The following PGLYRP2 variants were observed in gnomAD, a reference collection of about 807,000 sequenced individuals.
PGLYRP2 encodes N-acetylmuramoyl-L-alanine amidase.
In PGLYRP2, 38 loss-of-function variants were observed where a neutral mutation model predicts 46.2. The ratio of observed to expected loss-of-function variants is 0.82; its 90% CI spans 0.64 to 1.08. The LOEUF (loss-of-function observed/expected upper bound fraction) is 1.08, where lower values mean the gene tolerates loss of function less well. Ranked by LOEUF, PGLYRP2 falls within the 50% of genes least tolerant of loss-of-function variation. The pLI, the probability that PGLYRP2 is intolerant of heterozygous loss-of-function variation, is 0.00. For missense variants in PGLYRP2, 713 were observed against 755.9 expected (o/e 0.94, Z 0.67); for synonymous variants, 289 against 329.4 (o/e 0.88, Z 1.33).
intron 2 of PGLYRP2, among the ~76,000 whole-genome samples, chr19:15,475,323 T>C (rs1361247464): frequency 6.6e-6 from 1 of 152,102 alleles, no homozygotes; most frequent in Admixed American, 6.6e-5. Flanking sequence ...TGCAAATAAA[T>C]ATAATGAAGC....
At chr19:15,475,099 A>T (rs1200216282) in intron 2 of PGLYRP2, among the ~76,000 whole-genome samples, 1 of 152,176 alleles carries the variant, frequency 6.6e-6, no homozygotes, top group Non-Finnish European at 1.5e-5. Context: ...TCACTTATAA[A>T]TGGGAGCTAA....
Position 15,475,894 on chromosome 19 carries a change from G to A in PGLYRP2, c.776C>T (p.Thr259Met), listed in dbSNP as rs373142402. 2.1e-4 allele frequency: 345 copies of A among 1,614,110 alleles called. No individual in the cohort carries two copies. Among genetic ancestry groups the A allele is most frequent in the Non-Finnish European group, 2.6e-4 (308 of 1,180,022 alleles). The change falls in exon 2 of 5, where the codon ACG (threonine) becomes ATG (methionine). Residue 259 changes from threonine (T) to methionine (M), a missense_variant. Transcript: ENST00000340880. Reference sequence around the variant, plus strand: ...CAGAGATGCCTTGGGGTCCAAAAGCGTAAAGGTCCGAGGGGCAGAGAGCTG... The same window carrying A: ...CAGAGATGCCTTGGGGTCCAAAAGCATAAAGGTCCGAGGGGCAGAGAGCTG... ...WDQLSAPRTF[T>M]LLDPKASLLT...
intron 1 of PGLYRP2, among the ~76,000 whole-genome samples, chr19:15,477,392 C>CAAAA (rs34640786): frequency 8.7e-5 from 7 of 80,472 alleles, no homozygotes; most frequent in African/African-American, 2.1e-4. Context: ...GACTTTGTCT[C>CAAAA]AAAAAAAAAA....
rs752686631 is a variant in PGLYRP2, at chr19:15,476,578, A to G, written c.92T>C (p.Ile31Thr). 3 of 1,610,282 alleles carry G rather than the reference A, an allele frequency of 1.9e-6. No homozygotes were observed. Among genetic ancestry groups the G allele is most frequent in the Non-Finnish European group, 1.7e-6 (2 of 1,178,216 alleles). Residue 31 changes from isoleucine (I) to threonine (T), a missense_variant, in exon 2 of 5, where the codon ATC (isoleucine) becomes ACC (threonine). Transcript: ENST00000340880. Reference protein sequence around the residue: ...ASLPLLMDSVIQALAELEQKV... With the variant: ...ASLPLLMDSVTQALAELEQKV... ...CTGCTCCAGCTCAGCCAGGGCCTGG[A>G]TGACAGAGTCCATGAGCAGGGGCAG...
rs1228145868 is a variant in PGLYRP2 at position 15,469,700 on chromosome 19, G to A, written c.1573C>T (p.Leu525=). The change falls in exon 4 of 5, where the codon CTG becomes TTG. Residue 525 remains leucine, a synonymous_variant. Transcript: ENST00000340880. This position sits in a 1 kb window ranked among gnomAD's most constrained non-coding sequence, Gnocchi z 4.9. ...TCGCCGGGGCAGTCGGTGCGCACCA[G>A]CTGGCGGTGGCCCAGCAGCGCGTAG... ...PDYALLGHRQ[L]VRTDCPGDAL... 1 of 1,517,834 alleles carries A rather than the reference G, an allele frequency of 6.6e-7. No homozygotes were observed. Among genetic ancestry groups the A allele is most frequent in the Admixed American group, 2.0e-5 (1 of 50,396 alleles). The allele number at this position is 1,517,834 out of a possible 1,614,324, so 94.0% of individuals were successfully genotyped here. A position where few individuals can be genotyped will look rare whatever the true frequency, so the allele number is the denominator to read the frequency against.
intron 1 of PGLYRP2, among the ~76,000 whole-genome samples, chr19:15,478,006 A>G (rs1248135683): frequency 1.3e-5 from 2 of 152,180 alleles, no homozygotes; most frequent in Admixed American, 6.6e-5. Flanking sequence ...CTGTCTTAGT[A>G]CATTGGTGCT....
Position 15,469,451 on chromosome 19 carries a change from T to A in PGLYRP2, c.1641+181A>T. The A allele has an allele frequency of 1.2e-6, 1 of 865,304 alleles. No individual in the cohort carries two copies. Among genetic ancestry groups the A allele is most frequent in the Non-Finnish European group, 1.9e-6 (1 of 532,718 alleles). 53.6% of individuals were successfully genotyped at this position (865,304 alleles called of 1,614,324 possible). A position where few individuals can be genotyped will look rare whatever the true frequency, so the allele number is the denominator to read the frequency against. ...GCAGAAGTCACAGGATCAGGGATGT[T>A]GCCCGCAGAGTGACCCGCAAAGGCT... On this transcript the variant is annotated intron_variant, in intron 4 of 4. Coordinates refer to ENST00000340880, the MANE Select transcript of PGLYRP2 (RefSeq NM_052890.4). This position sits in a 1 kb window ranked among gnomAD's most constrained non-coding sequence, Gnocchi z 4.9.
rs770945818 is a variant in PGLYRP2 at position 15,476,075 on chromosome 19, C to T, written c.595G>A (p.Val199Ile). 28 of 1,614,078 alleles carry T rather than the reference C, an allele frequency of 1.7e-5. No homozygotes were observed. The Admixed American group carries it at 4.0e-4, about 23-fold the overall frequency. The change falls in exon 2 of 5, where the codon GTC becomes ATC. Residue 199 changes from valine to isoleucine, a missense_variant. Physicochemically the swap from Val to Ile is conservative, Grantham distance 29. Transcript: ENST00000340880. ...TTGGCATCTGGCAAGGAAGCTTGGA[C>T]ATCTGGACAGCCTTTTGTAGCATCT... is the stretch of plus-strand genomic sequence containing the variant. ...TPDATKGCPD[V>I]QASLPDAKAK... is the part of the protein sequence containing the mutation.
At chr19:15,470,779 G>A (rs1413771441) in intron 3 of PGLYRP2, among the ~76,000 whole-genome samples, 1 of 151,390 alleles carries the variant, frequency 6.6e-6, no homozygotes, top group Non-Finnish European at 1.5e-5. Context: ...CGACTAGCTG[G>A]GATTACAGGC....
rs549237816 is a variant in PGLYRP2 at position 15,469,374 on chromosome 19, G to C, written c.1641+258C>G. ...GGCTGGAAAGGTAGAGGTATTAGGA[G>C]CTGGGGAAAGGACAGGCTGGCTGGG... On this transcript the variant is annotated intron_variant, in intron 4 of 4. Transcript: ENST00000340880. This position sits in a 1 kb window ranked among gnomAD's most constrained non-coding sequence, Gnocchi z 4.9. 1 of 699,410 alleles carries C rather than the reference G, an allele frequency of 1.4e-6. No individual in the cohort carries two copies. The highest frequency in any genetic ancestry group is 2.7e-5 in the East Asian group (1 of 37,046). 43.3% of individuals were successfully genotyped at this position (699,410 alleles called of 1,614,324 possible). A position where few individuals can be genotyped will look rare whatever the true frequency, so the allele number is the denominator to read the frequency against.
At position 15,469,074 on chromosome 19, in the gene PGLYRP2, AAACAAGC is replaced by A; in HGVS notation, c.1642-329_1642-323del. The stretch of plus-strand genomic sequence containing the variant: ...ATCAGGGGTTAAGGAGTCAGGGACG[AAACAAGC>A]AACCTCAGAGTTGAGATTGTCTGGA... On this transcript the variant is annotated intron_variant, in intron 4 of 4. Coordinates refer to ENST00000340880, the MANE Select transcript of PGLYRP2 (RefSeq NM_052890.4). This position sits in a 1 kb window ranked among gnomAD's most constrained non-coding sequence, Gnocchi z 4.9. 1.9e-6 allele frequency: 1 copy of A among 518,750 alleles called. No homozygotes were observed. The highest frequency in any genetic ancestry group is 3.2e-5 in the East Asian group (1 of 31,742). The allele number at this position is 518,750 out of a possible 1,614,324, so 32.1% of individuals were successfully genotyped here.
At chr19:15,475,496 T>G (rs747205197) in intron 2 of PGLYRP2, 42 bp downstream of exon 2, 89 of 1,520,656 alleles carry the variant, frequency 5.9e-5, no homozygotes, top group Non-Finnish European at 2.8e-5. Context: ...GGCGTCTGTG[T>G]CTGTAATGGG....
Position 15,469,454 on chromosome 19 carries a change from C to A in PGLYRP2, c.1641+178G>T. The A allele has an allele frequency of 1.1e-6, 1 of 894,504 alleles. No individual in the cohort carries two copies. Among genetic ancestry groups the A allele is most frequent in the South Asian group, 1.4e-5 (1 of 71,420 alleles). 55.4% of individuals were successfully genotyped at this position (894,504 alleles called of 1,614,324 possible). A position where few individuals can be genotyped will look rare whatever the true frequency, so the allele number is the denominator to read the frequency against. On this transcript the variant is annotated intron_variant, in intron 4 of 4. Coordinates refer to ENST00000340880, the MANE Select transcript of PGLYRP2 (RefSeq NM_052890.4). This position sits in a 1 kb window ranked among gnomAD's most constrained non-coding sequence, Gnocchi z 4.9. Reference sequence around the variant, plus strand: ...GAAGTCACAGGATCAGGGATGTTGCCCGCAGAGTGACCCGCAAAGGCTGGG... The same window carrying A: ...GAAGTCACAGGATCAGGGATGTTGCACGCAGAGTGACCCGCAAAGGCTGGG...
In PGLYRP2 at chr19:15,471,918, T is replaced by G; in HGVS notation, c.1315A>C (p.Thr439Pro). Residue 439 changes from threonine (T) to proline (P), a missense_variant, in exon 3 of 5, where the codon ACG becomes CCG. Transcript: ENST00000340880. ...MRSMQRYHQD[T>P]QGWGDIGYSF... is the part of the protein sequence containing the mutation. ...TAGCCGATGTCTCCCCAGCCTTGCG[T>G]GTCCTGGTGGTAGCGCTGCATGGAG... 1 of 1,611,364 alleles carries G rather than the reference T, an allele frequency of 6.2e-7. No homozygotes were observed. The highest frequency in any genetic ancestry group is 8.5e-7 in the Non-Finnish European group (1 of 1,178,402).
intron 2 of PGLYRP2, 143 bp from the exon 3 acceptor site, chr19:15,472,243 C>A: frequency 1.5e-6 from 1 of 655,214 alleles, no homozygotes. Flanking sequence ...ATTGGTCCTC[C>A]CTGGGGACCA....
intron 3 of PGLYRP2, among the ~76,000 whole-genome samples, chr19:15,471,525 C>T (rs538629734): frequency 1.8e-4 from 28 of 152,194 alleles, no homozygotes; most frequent in Non-Finnish European, 3.2e-4. Flanking sequence ...TCTCAGCCTC[C>T]CAAAGTGGTG....
In PGLYRP2 at chr19:15,476,271, T is replaced by G. The variant is rs1325655135; in HGVS notation, c.399A>C (p.Gln133His). The stretch of plus-strand genomic sequence containing the variant: ...AGGGCAAATTTATGACCCTGCGCCC[T>G]TGCAGCCCTGCCTCCAGCCCCGCCA... ...PLLAGLEAGL[Q>H]GRRVINLPLD... Residue 133 changes from glutamine to histidine, a missense_variant, in exon 2 of 5, where the codon CAA (glutamine) becomes CAC (histidine). Gln to His is a conservative substitution (Grantham distance 24). Coordinates refer to ENST00000340880, the MANE Select transcript of PGLYRP2 (RefSeq NM_052890.4). 6.2e-7 allele frequency: 1 copy of G among 1,614,022 alleles called. No homozygotes were observed. Among genetic ancestry groups the G allele is most frequent in the East Asian group, 2.2e-5 (1 of 44,878 alleles).
In PGLYRP2 at chr19:15,479,479, A is replaced by G; in HGVS notation, c.-108T>C. 2 of 1,125,564 alleles carry G rather than the reference A, an allele frequency of 1.8e-6. No homozygotes were observed. The highest frequency in any genetic ancestry group is 1.3e-5 in the South Asian group (1 of 75,580). The allele number at this position is 1,125,564 out of a possible 1,614,324, so 69.7% of individuals were successfully genotyped here. ...AGAGAACTGAGCAGAGCCTTTGACCACTGTCAAAGTCCAGCGGCGAATGAC... is the reference window on the plus strand; with the variant it reads ...AGAGAACTGAGCAGAGCCTTTGACCGCTGTCAAAGTCCAGCGGCGAATGAC... On this transcript the variant is annotated 5_prime_UTR_variant, in exon 1 of 5. Coordinates refer to ENST00000340880, the MANE Select transcript of PGLYRP2 (RefSeq NM_052890.4).
At chr19:15,478,216 G>A (rs150667918) in intron 1 of PGLYRP2, among the ~76,000 whole-genome samples, 5 of 152,046 alleles carry the variant, frequency 3.3e-5, no homozygotes, top group East Asian at 1.9e-4. Flanking sequence ...GTGCGGTGGC[G>A]GGCACCTGTA....
Sources: allele counts gnomAD v4.1 joint callset (sites outside exome capture counted in the v4.1 genomes callset), GRCh38; gene constraint gnomAD v4.1.1; non-coding constraint Gnocchi (gnomAD v3.1); transcripts MANE v1.5; gene names NCBI Gene and HGNC (gene_info 2026-07-23, HGNC 2026-07-21).